C7: variants seen among roughly 807,000 people sequenced by gnomAD.
The protein encoded by C7 is complement component C7.
Under a neutral mutation model 104.8 loss-of-function variants are expected in C7, and 83 were observed. The observed-to-expected ratio is 0.79, with a 90% CI of 0.66 to 0.95. C7 has a LOEUF of 0.95. C7 is among the 40% of genes least tolerant of loss of function. The probability of loss-of-function intolerance (pLI) is 0.00; values close to 1 mark genes in which losing one functional copy is unlikely to be tolerated. For synonymous variants in C7, 415 were observed against 360.6 expected (o/e 1.15, Z -1.71); for missense variants, 1,070 against 1,011.2 (o/e 1.06, Z -0.79).
At chr5:40,947,203 G>T (rs988690892) in intron 7 of C7, among the ~76,000 whole-genome samples, 1 of 150,096 alleles carries the variant, frequency 6.7e-6, no homozygotes, top group Non-Finnish European at 1.5e-5. Flanking sequence ...GGGTTCAAGC[G>T]ATTCTTCTAC....
chr5:40,931,549 T>C (rs1314752267), intron 3 of C7, among the ~76,000 whole-genome samples: 1 of 151,682 alleles, frequency 6.6e-6, no homozygotes, highest in Non-Finnish European at 1.5e-5. Flanking sequence ...AAATGGCTGC[T>C]TGATTTTACT....
At chr5:40,962,208 CTCTAACT>C (rs1223870311) in intron 13 of C7, 36 bp downstream of exon 13, 1 of 1,213,074 alleles carries the variant, frequency 8.2e-7, no homozygotes, top group African/African-American at 1.5e-5. Context: ...CTTTATAATG[CTCTAACT>C]TCTATCTCTC....
At position 40,981,400 on chromosome 5, in the gene C7, A is replaced by G; in HGVS notation, c.2359A>G (p.Ser787Gly). ...PLWGKCDAES[S>G]KCVCREASEC... ...TTCACTTACTTTTCCAGCTGAGAGC[A>G]GCAAATGTGTCTGCCGAGAAGCATC... Residue 787 changes from serine to glycine, a missense_variant, in exon 18 of 18, where the codon AGC (serine) becomes GGC (glycine). Transcript: ENST00000313164. The G allele has an allele frequency of 6.2e-7, 1 of 1,611,530 alleles. No homozygotes were observed. Among genetic ancestry groups the G allele is most frequent in the South Asian group, 1.1e-5 (1 of 90,384 alleles).
intron 1 of C7, among the ~76,000 whole-genome samples, chr5:40,912,979 A>T (rs567423097): frequency 6.6e-6 from 1 of 152,120 alleles, no homozygotes; most frequent in Admixed American, 6.5e-5. Flanking sequence ...TGAGTCTCCA[A>T]TGTCTATTAT....
At position 40,937,582 on chromosome 5, in the gene C7, C is replaced by T. The variant is rs965422661; in HGVS notation, c.459C>T (p.Asn153=). ...GYNELTGQFR[N]RVINTKSFGG... Reference sequence around the variant, plus strand: ...ATGAACTCACTGGCCAGTTTAGGAACAGAGTCATCAATACCAAAAGTTTTG... The same window carrying T: ...ATGAACTCACTGGCCAGTTTAGGAATAGAGTCATCAATACCAAAAGTTTTG... Residue 153 remains asparagine, a synonymous_variant, in exon 6 of 18, where the codon AAC becomes AAT. Coordinates refer to ENST00000313164, the MANE Select transcript of C7 (RefSeq NM_000587.4). 1 of 1,611,966 alleles carries T rather than the reference C, an allele frequency of 6.2e-7. No individual in the cohort carries two copies. The highest frequency in any genetic ancestry group is 1.7e-5 in the Admixed American group (1 of 59,840).
chr5:40,980,160 G>A (rs987306651), intron 17 of C7: 30 of 348,474 alleles, frequency 8.6e-5, no homozygotes, highest in South Asian at 1.5e-4. Context: ...GTGATTCCAT[G>A]CCACCTTCAT....
At chr5:40,910,403 C>G (rs1036773742) in intron 1 of C7, among the ~76,000 whole-genome samples, 1 of 152,056 alleles carries the variant, frequency 6.6e-6, no homozygotes, top group African/African-American at 2.4e-5. Context: ...CTGTCAGTGG[C>G]TAGATTGCTT....
chr5:40,951,806 G>A (rs1740176861), intron 9 of C7, among the ~76,000 whole-genome samples: 1 of 152,124 alleles, frequency 6.6e-6, no homozygotes, highest in African/African-American at 2.4e-5. Flanking sequence ...AGGGATTCTT[G>A]GGATATTGGT....
At chr5:40,969,174 T>A (rs77170633) in intron 14 of C7, among the ~76,000 whole-genome samples, 129 of 152,234 alleles carry the variant, frequency 8.5e-4, no homozygotes, top group African/African-American at 3.1e-3. Flanking sequence ...TCACTTAAAA[T>A]ATAGTTTTTA....
In C7 at chr5:40,964,849, C is replaced by A. The variant is rs746108313; in HGVS notation, c.1858C>A (p.Leu620Ile). 4.3e-6 allele frequency: 7 copies of A among 1,613,532 alleles called. No individual in the cohort carries two copies. In the Admixed American group the frequency reaches 1.2e-4, roughly 27 times the overall value. Reference protein sequence around the residue: ...VARCGEDLRWLVGEMHCQKIA... With the variant: ...VARCGEDLRWIVGEMHCQKIA... ...CAGATGTGGAGAAGATTTACGGTGG[C>A]TTGTTGGGGAAATGCATTGTCAGAG... The change falls in exon 14 of 18, where the codon CTT (leucine) becomes ATT (isoleucine). Residue 620 changes from leucine to isoleucine, a missense_variant. Leu to Ile is a conservative substitution (Grantham distance 5, BLOSUM62 2). Transcript: ENST00000313164.
intron 8 of C7, among the ~76,000 whole-genome samples, chr5:40,949,168 T>C (rs1033822101): frequency 2.0e-5 from 3 of 152,054 alleles, no homozygotes; most frequent in South Asian, 4.1e-4. Flanking sequence ...TCAGTAAAAA[T>C]TTTACTCTTG....
intron 3 of C7, among the ~76,000 whole-genome samples, chr5:40,933,840 A>G (rs1280102405): frequency 6.6e-6 from 1 of 152,144 alleles, no homozygotes; most frequent in Admixed American, 6.6e-5. Flanking sequence ...GAGCTCTTGG[A>G]ACACAGATTT....
chr5:40,975,016 T>A (rs1285399523), intron 15 of C7, among the ~76,000 whole-genome samples: 1 of 152,190 alleles, frequency 6.6e-6, no homozygotes, highest in African/African-American at 2.4e-5. Flanking sequence ...ACCAAAGATG[T>A]CCCTAGTGAT....
chr5:40,964,020 CTTTTTTTTTTTTTTTTT>C lies in C7; in HGVS notation c.1750-706_1750-690del, dbSNP rs869250524. Among the ~76,000 whole-genome samples the C allele has an allele frequency of 3.5e-3, 139 of 39,886 alleles. 1 individual carries two copies. Among genetic ancestry groups the C allele is most frequent in the African/African-American group, 7.7e-3 (132 of 17,040 alleles). 26.2% of individuals were successfully genotyped at this position (39,886 alleles called of 152,430 possible). On this transcript the variant is annotated intron_variant, in intron 13 of 17. Transcript: ENST00000313164. ...TATTGTCAATGAACAGCTCATAATA[CTTTTTTTTTTTTTTTTT>C]TTTTTTTTTTTTTTAGAGAGAGAGA...
intron 15 of C7, among the ~76,000 whole-genome samples, chr5:40,974,050 T>C (rs769138587): frequency 6.6e-6 from 1 of 152,226 alleles, no homozygotes; most frequent in Non-Finnish European, 1.5e-5. Flanking sequence ...TCTTTTTTTT[T>C]ATTATAATAA....
At chr5:40,965,426 C>T (rs1740521721) in intron 14 of C7, among the ~76,000 whole-genome samples, 2 of 152,012 alleles carry the variant, frequency 1.3e-5, no homozygotes, top group African/African-American at 4.8e-5. Flanking sequence ...TATATTTCTC[C>T]CTTTGGGAAT....
chr5:40,960,771 C>T (rs1740403395), intron 12 of C7, among the ~76,000 whole-genome samples: 2 of 152,142 alleles, frequency 1.3e-5, no homozygotes, highest in African/African-American at 4.8e-5. Context: ...CACTCCCAGG[C>T]TATTTGTACT....
intron 10 of C7, among the ~76,000 whole-genome samples, chr5:40,956,535 T>C (rs1383445793): frequency 2.0e-5 from 3 of 152,240 alleles, no homozygotes; most frequent in African/African-American, 7.2e-5. Flanking sequence ...GACATAGTTG[T>C]ACATAAGAAA....
intron 15 of C7, 54 bp downstream of exon 15, chr5:40,972,648 C>T (rs1740726204): frequency 6.9e-7 from 1 of 1,444,200 alleles, no homozygotes; most frequent in Non-Finnish European, 9.4e-7. Context: ...AAGTGAGAGT[C>T]CTTGTGGCGA....
Sources: allele counts gnomAD v4.1 joint callset (sites outside exome capture counted in the v4.1 genomes callset), GRCh38; gene constraint gnomAD v4.1.1; transcripts MANE v1.5; gene names NCBI Gene and HGNC (gene_info 2026-07-23, HGNC 2026-07-21).